The following NUB1 variants were observed in gnomAD, a reference collection of about 807,000 sequenced individuals.
The protein encoded by NUB1 is NEDD8 ultimate buster 1.
Under a neutral mutation model 77.1 loss-of-function variants are expected in NUB1, and 41 were observed. That is an observed-to-expected ratio of 0.53 (90% CI 0.41 to 0.69). NUB1 has a LOEUF of 0.69. NUB1 is among the 30% of genes least tolerant of loss of function. NUB1 has a pLI of 0.00. For missense variants in NUB1, 643 were observed against 743.8 expected (o/e 0.86, Z 1.58); for synonymous variants, 257 against 281.0 (o/e 0.91, Z 0.85).
chr7:151,366,872 A>T, intron 8 of NUB1, 67 bp from the exon 9 acceptor site: 1 of 1,281,038 alleles, frequency 7.8e-7, no homozygotes, highest in South Asian at 1.5e-5. Context: ...ATTCACAAAA[A>T]GGTTTCAAAT....
chr7:151,358,490 G>A lies in NUB1; in HGVS notation c.694-1651G>A, dbSNP rs368628031. The stretch of plus-strand genomic sequence containing the variant: ...GAGCTCCACCTCCTGTCAGATCAGC[G>A]GCGGCATTAGAGTCTTAGGAGCATG... On this transcript the variant is annotated intron_variant, in intron 7 of 14. Transcript: ENST00000568733. Among the ~76,000 whole-genome samples, 16 of 152,316 alleles carry A rather than the reference G, an allele frequency of 1.1e-4. 1 individual carries two copies. The highest frequency in any genetic ancestry group is 3.4e-4 in the African/African-American group (14 of 41,578).
chr7:151,359,674 G>C (rs1468281108), intron 7 of NUB1, among the ~76,000 whole-genome samples: 1 of 152,050 alleles, frequency 6.6e-6, no homozygotes, highest in Non-Finnish European at 1.5e-5. Flanking sequence ...CTGCTCGGCA[G>C]GCTGAGGCAG....
intron 8 of NUB1, among the ~76,000 whole-genome samples, chr7:151,364,386 A>T (rs1178548049): frequency 2.0e-5 from 3 of 149,854 alleles, no homozygotes; most frequent in Non-Finnish European, 3.0e-5. Flanking sequence ...GCACCACTGC[A>T]CTCCAGCCTG....
rs1250129217 is a variant in NUB1 at position 151,377,807 on chromosome 7, C to T, written c.*582C>T. 3 of 152,286 alleles carry T rather than the reference C, an allele frequency of 2.0e-5. No homozygotes were observed. Among genetic ancestry groups the T allele is most frequent in the Non-Finnish European group, 4.4e-5 (3 of 68,078 alleles). 9.4% of individuals were successfully genotyped at this position (152,286 alleles called of 1,614,324 possible). A position where few individuals can be genotyped will look rare whatever the true frequency, so the allele number is the denominator to read the frequency against. On this transcript the variant is annotated 3_prime_UTR_variant, in exon 15 of 15. Transcript: ENST00000568733. ...CACACCAGGTCGCAGCAAATGGCTTCAGCCTGGGACGCCAGTGTTTTATGC... is the reference window on the plus strand; with the variant it reads ...CACACCAGGTCGCAGCAAATGGCTTTAGCCTGGGACGCCAGTGTTTTATGC...
chr7:151,347,242 T>TA (rs1796543577), intron 2 of NUB1, among the ~76,000 whole-genome samples: 2 of 152,094 alleles, frequency 1.3e-5, no homozygotes, highest in South Asian at 2.1e-4. Flanking sequence ...ACGTAACTAT[T>TA]AAAAAAATGT....
chr7:151,343,791 G>A (rs1796323758), intron 1 of NUB1, among the ~76,000 whole-genome samples: 1 of 152,098 alleles, frequency 6.6e-6, no homozygotes, highest in African/African-American at 2.4e-5. Context: ...AGTTGTGCTC[G>A]TTAAGATGCT....
chr7:151,351,806 A>C (rs980433411), intron 4 of NUB1, among the ~76,000 whole-genome samples: 4 of 152,142 alleles, frequency 2.6e-5, no homozygotes, highest in African/African-American at 9.7e-5. Context: ...CCTGGTACTC[A>C]CTAGCTCATT....
chr7:151,368,365 C>A (rs1797795988), intron 10 of NUB1, among the ~76,000 whole-genome samples: 1 of 152,200 alleles, frequency 6.6e-6, no homozygotes, highest in Admixed American at 6.5e-5. Context: ...GCACCCAGCG[C>A]TGTGGCTGCA....
chr7:151,350,615 G>A (rs1360615928), intron 3 of NUB1, among the ~76,000 whole-genome samples: 1 of 152,226 alleles, frequency 6.6e-6, no homozygotes, highest in Non-Finnish European at 1.5e-5. Context: ...TTGAAATAAA[G>A]AGTAATACTA....
At chr7:151,343,257 C>T (rs1796301099) in intron 1 of NUB1, among the ~76,000 whole-genome samples, 1 of 152,220 alleles carries the variant, frequency 6.6e-6, no homozygotes, top group African/African-American at 2.4e-5. Context: ...ACACAGCAGC[C>T]TCATTGGCTG....
At chr7:151,345,879 TCTCA>T (rs1220077401) in intron 2 of NUB1, among the ~76,000 whole-genome samples, 5 of 152,358 alleles carry the variant, frequency 3.3e-5, no homozygotes, top group East Asian at 1.9e-4. Context: ...TTTTTGATGC[TCTCA>T]CTATCAGTGT....
At chr7:151,347,926 T>C (rs1796577431) in intron 2 of NUB1, among the ~76,000 whole-genome samples, 1 of 152,260 alleles carries the variant, frequency 6.6e-6, no homozygotes, top group Non-Finnish European at 1.5e-5. Context: ...TTTTATGAGA[T>C]GTTTAATGAA....
At chr7:151,353,311 G>T (rs890049682) in intron 5 of NUB1, among the ~76,000 whole-genome samples, 1 of 152,160 alleles carries the variant, frequency 6.6e-6, no homozygotes, top group Admixed American at 6.5e-5. Context: ...GTGGCTGTGT[G>T]TGGAGAATGA....
Position 151,367,077 on chromosome 7 carries a change from C to T in NUB1, c.939C>T (p.Cys313=), listed in dbSNP as rs773662843. 1 of 1,613,728 alleles carries T rather than the reference C, an allele frequency of 6.2e-7. No individual in the cohort carries two copies. Residue 313 remains cysteine, a synonymous_variant, in exon 9 of 15, where the codon TGC becomes TGT. Transcript: ENST00000568733. ...AAAAATTAAACTTGGCCCAGAAATG[C>T]TTTAAAAATTGTTACGGAGAAAATC... ...AEKKLNLAQK[C]FKNCYGENHQ...
rs959505967 is a variant in NUB1 at position 151,363,273 on chromosome 7, A to C, written c.800+3026A>C. Among the ~76,000 whole-genome samples the C allele has an allele frequency of 5.3e-5, 8 of 152,248 alleles. No homozygotes were observed. The East Asian group carries it at 1.5e-3, about 29-fold the overall frequency. ...AGGCAGAGGAACAACTGAACATGTC[A>C]GATAAAGACATGGGAGACATTCAAA... On this transcript the variant is annotated intron_variant, in intron 8 of 14. Transcript: ENST00000568733.
rs1458457448 is a variant in NUB1 at position 151,376,796 on chromosome 7, C to T, written c.1654C>T (p.Pro552Ser). The T allele has an allele frequency of 2.5e-6, 4 of 1,585,414 alleles. No homozygotes were observed. In the East Asian group the frequency reaches 6.9e-5, roughly 27 times the overall value. ...EDSLSPPATS[P>S]SDSAGTSSAS... ...CTCTTTGTCCCCGCCAGCCACGTCC[C>T]CTTCTGACTCCGCAGGTAGGTCTGA... The change falls in exon 14 of 15, where the codon CCT becomes TCT. Residue 552 changes from proline (P) to serine (S), a missense_variant. Coordinates refer to ENST00000568733, the MANE Select transcript of NUB1 (RefSeq NM_001243351.2).
Position 151,376,709 on chromosome 7 carries a change from G to C in NUB1, c.1567G>C (p.Ala523Pro). The change falls in exon 14 of 15, where the codon GCC (alanine) becomes CCC (proline). Residue 523 changes from alanine to proline, a missense_variant. Coordinates refer to ENST00000568733, the MANE Select transcript of NUB1 (RefSeq NM_001243351.2). Reference sequence around the variant, plus strand: ...GTTCAGAGGCAACGTCCAGCTGGCCGCCCAGACCCTTGCTCACAACGGAGG... The same window carrying C: ...GTTCAGAGGCAACGTCCAGCTGGCCCCCCAGACCCTTGCTCACAACGGAGG... ...RVFRGNVQLA[A>P]QTLAHNGGSL... 1 of 1,608,520 alleles carries C rather than the reference G, an allele frequency of 6.2e-7. No homozygotes were observed. Among genetic ancestry groups the C allele is most frequent in the Non-Finnish European group, 8.5e-7 (1 of 1,177,846 alleles).
rs1246557759 is a variant in NUB1 at position 151,374,078 on chromosome 7, C to T, written c.1249-19C>T. The T allele has an allele frequency of 2.6e-6, 4 of 1,546,990 alleles. No individual in the cohort carries two copies. Among genetic ancestry groups the T allele is most frequent in the East Asian group, 2.4e-5 (1 of 40,918 alleles). On this transcript the variant is annotated intron_variant, in intron 11 of 14. Coordinates refer to ENST00000568733, the MANE Select transcript of NUB1 (RefSeq NM_001243351.2). ...TCTCAGTCCCTAACTTGGGATGGGA[C>T]TTTGCTGTTTTCCTAAAGGAACTGG...
intron 10 of NUB1, among the ~76,000 whole-genome samples, chr7:151,368,486 T>C (rs1797803976): frequency 6.6e-6 from 1 of 152,242 alleles, no homozygotes; most frequent in African/African-American, 2.4e-5. Flanking sequence ...ACAAAGTGGT[T>C]ACCAGTCACT....
Sources: gnomAD v4.1 joint callset for allele counts (sites outside exome capture counted in the v4.1 genomes callset) on GRCh38, gnomAD v4.1.1 for gene constraint, MANE v1.5 for transcripts, NCBI Gene and HGNC (gene_info 2026-07-23, HGNC 2026-07-21) for gene names.